Variants in DISP1 observed in about 807,000 individuals in gnomAD.
DISP1 encodes the protein dispatched RND transporter family member 1, also known as protein dispatched homolog 1.
DISP1 carries 30 observed loss-of-function variants against 37.3 expected under a neutral mutation model. That is an observed-to-expected ratio of 0.80 (90% CI 0.60 to 1.09). The LOEUF (loss-of-function observed/expected upper bound fraction) is 1.09. Ranked by LOEUF, DISP1 falls within the 50% of genes least tolerant of loss-of-function variation. The pLI, the probability that DISP1 is intolerant of heterozygous loss-of-function variation, is 0.00. For synonymous variants in DISP1, 634 were observed against 690.2 expected, an observed-to-expected ratio of 0.92 and a Z score of 1.28; for missense variants, 1,598 against 1,879.5, an observed-to-expected ratio of 0.85 and a Z score of 2.77.
At chr1:222,820,861 T>A (rs944235695) in intron 1 of DISP1, among the ~76,000 whole-genome samples, 10 of 152,234 alleles carry the variant, frequency 6.6e-5, no homozygotes, top group African/African-American at 2.4e-4. Context: ...GCAGGCTGGC[T>A]GAGGGTGTTA....
At chr1:222,835,562 G>A (rs1410852891) in intron 1 of DISP1, among the ~76,000 whole-genome samples, 2 of 152,132 alleles carry the variant, frequency 1.3e-5, no homozygotes, top group African/African-American at 4.8e-5. Context: ...ATCCCAGTGG[G>A]GAGCTTGTTA....
chr1:222,925,584 C>T (rs1673034585), intron 1 of DISP1, among the ~76,000 whole-genome samples: 1 of 152,130 alleles, frequency 6.6e-6, no homozygotes, highest in Admixed American at 6.6e-5. Flanking sequence ...ATATTTCACT[C>T]TTCCTTTTCC....
intron 1 of DISP1, among the ~76,000 whole-genome samples, chr1:222,821,308 A>G (rs915878099): frequency 2.6e-5 from 4 of 152,252 alleles, no homozygotes; most frequent in African/African-American, 9.6e-5. Context: ...TTGAGTAAAC[A>G]ACTATTTGAA....
chr1:222,840,051 T>C (rs1425953231), intron 1 of DISP1, among the ~76,000 whole-genome samples: 2 of 152,204 alleles, frequency 1.3e-5, no homozygotes, highest in African/African-American at 4.8e-5. Flanking sequence ...ACAGCCTGTT[T>C]TATAATAAAG....
At chr1:222,818,266 G>T (rs978530017) in intron 1 of DISP1, among the ~76,000 whole-genome samples, 2 of 152,168 alleles carry the variant, frequency 1.3e-5, no homozygotes, top group African/African-American at 4.8e-5. Context: ...CCAGCTCCTG[G>T]TGATAATACA....
In DISP1 at chr1:222,830,627, C is replaced by G. The variant is rs1665512225; in HGVS notation, c.-159+15549C>G. 1.3e-5 allele frequency among the ~76,000 whole-genome samples: 2 copies of G among 152,298 alleles called. 1 individual carries two copies. Among genetic ancestry groups the G allele is most frequent in the South Asian group, 4.1e-4 (2 of 4,828 alleles). ...GAACTCCTGACTTCAAGTGATCCAC[C>G]TGCCTCGGTCTCCCAAAGTGCTGGG... On this transcript the variant is annotated intron_variant, in intron 1 of 8. Transcript: ENST00000675850.
chr1:222,916,254 A>G (rs1299673444), intron 1 of DISP1, among the ~76,000 whole-genome samples: 1 of 152,162 alleles, frequency 6.6e-6, no homozygotes, highest in African/African-American at 2.4e-5. Flanking sequence ...CTTTATGGCA[A>G]ATATATGGTC....
rs775713432 is a variant in DISP1, at chr1:223,003,714, A to G, written c.2317A>G (p.Met773Val). The G allele has an allele frequency of 6.2e-7, 1 of 1,614,124 alleles. No homozygotes were observed. Among genetic ancestry groups the G allele is most frequent in the Non-Finnish European group, 8.5e-7 (1 of 1,180,034 alleles). The change falls in exon 9 of 9, where the codon ATG becomes GTG. Residue 773 changes from methionine (M) to valine (V), a missense_variant. Transcript: ENST00000675850. This position sits in a 1 kb window ranked among gnomAD's most constrained non-coding sequence, Gnocchi z 4.3. ...RYDAEYKKLFMFERVHHGEEL... is the reference protein window; with the variant it reads ...RYDAEYKKLFVFERVHHGEEL... ...TGATGCTGAATACAAAAAGCTTTTC[A>G]TGTTTGAACGTGTTCACCATGGCGA...
intron 1 of DISP1, among the ~76,000 whole-genome samples, chr1:222,908,832 G>A (rs1254242801): frequency 1.3e-5 from 2 of 150,990 alleles, no homozygotes; most frequent in Non-Finnish European, 2.9e-5. Flanking sequence ...CACTACAGAA[G>A]ATACCCTGAT....
chr1:222,937,246 C>A (rs1372297433), intron 2 of DISP1, among the ~76,000 whole-genome samples: 1 of 150,918 alleles, frequency 6.6e-6, no homozygotes, highest in East Asian at 1.9e-4. Context: ...CCCGCCACCA[C>A]GCTCGGCTAA....
chr1:222,979,560 G>GA (rs1300552181), intron 3 of DISP1: 3 of 470,072 alleles, frequency 6.4e-6, no homozygotes, highest in African/African-American at 4.0e-5. Context: ...AAAACTCATT[G>GA]AAAAATCAAT....
chr1:222,869,979 C>G (rs888086138), intron 1 of DISP1, among the ~76,000 whole-genome samples: 1 of 152,004 alleles, frequency 6.6e-6, no homozygotes, highest in Admixed American at 6.6e-5. Flanking sequence ...GTGATGTTCC[C>G]CTTCCTGTGT....
chr1:222,859,848 G>A (rs1237658456), intron 1 of DISP1, among the ~76,000 whole-genome samples: 1 of 152,148 alleles, frequency 6.6e-6, no homozygotes, highest in Non-Finnish European at 1.5e-5. Flanking sequence ...CTGGAATGTT[G>A]GGGAATATGT....
In DISP1 at chr1:222,895,249, T is replaced by C. The variant is rs141971627; in HGVS notation, c.-158-33181T>C. The stretch of plus-strand genomic sequence containing the variant: ...AAGGAGATACTGTCCAGTTGAATGC[T>C]CAGCTGAAGTTATCAGGGAAATTCT... On this transcript the variant is annotated intron_variant, in intron 1 of 8. Transcript: ENST00000675850. Among the ~76,000 whole-genome samples, 447 of 152,318 alleles carry C rather than the reference T, an allele frequency of 2.9e-3. 3 individuals carry two copies. Among genetic ancestry groups the C allele is most frequent in the African/African-American group, 0.01 (434 of 41,570 alleles).
chr1:222,819,755 G>T (rs1221847443), intron 1 of DISP1, among the ~76,000 whole-genome samples: 1 of 151,872 alleles, frequency 6.6e-6, no homozygotes, highest in Non-Finnish European at 1.5e-5. Context: ...TGGCCTGGCT[G>T]GTCTTGAACT....
intron 1 of DISP1, among the ~76,000 whole-genome samples, chr1:222,831,694 T>C (rs1665785003): frequency 6.6e-6 from 1 of 152,222 alleles, no homozygotes; most frequent in Admixed American, 6.5e-5. Flanking sequence ...AGATAGGATT[T>C]GTAGAGGCAT....
At chr1:222,901,631 G>A (rs575762313) in intron 1 of DISP1, among the ~76,000 whole-genome samples, 54 of 152,160 alleles carry the variant, frequency 3.5e-4, no homozygotes, top group Admixed American at 1.7e-3. Flanking sequence ...GGATTCAAGC[G>A]GTTCTCCTGC....
Position 223,003,955 on chromosome 1 carries a change from T to C in DISP1, c.2558T>C (p.Ile853Thr), listed in dbSNP as rs748388363. 30 of 1,614,062 alleles carry C rather than the reference T, an allele frequency of 1.9e-5. No individual in the cohort carries two copies. The highest frequency in any genetic ancestry group is 2.2e-5 in the East Asian group (1 of 44,896). The change falls in exon 9 of 9, where the codon ATT (isoleucine) becomes ACT (threonine). Residue 853 changes from isoleucine (I) to threonine (T), a missense_variant. Ile to Thr is a moderately conservative substitution (Grantham distance 89, BLOSUM62 -1). Coordinates refer to ENST00000675850, the MANE Select transcript of DISP1 (RefSeq NM_001377229.1). The surrounding 1 kb of genome is among the most constrained non-coding windows in gnomAD (Gnocchi z 4.3). The part of the protein sequence containing the change: ...TDEQDFTSCF[I>T]ETFKQWMENQ... ...GAACAGGACTTCACCAGCTGCTTCA[T>C]TGAGACATTCAAACAGTGGATGGAA... is the stretch of plus-strand genomic sequence containing the variant.
intron 1 of DISP1, among the ~76,000 whole-genome samples, chr1:222,825,124 A>G (rs1272079045): frequency 1.5e-5 from 2 of 132,102 alleles, no homozygotes; most frequent in Non-Finnish European, 3.2e-5. Context: ...TCGGTCTCAA[A>G]TAGTCTCTCC....
Sources: allele counts gnomAD v4.1 joint callset (sites outside exome capture counted in the v4.1 genomes callset), GRCh38; gene constraint gnomAD v4.1.1; non-coding constraint Gnocchi (gnomAD v3.1); transcripts MANE v1.5; gene names NCBI Gene and HGNC (gene_info 2026-07-23, HGNC 2026-07-21).